Variants in CELF2 observed in about 807,000 individuals in gnomAD.
The protein encoded by CELF2 is CUG triplet repeat RNA-binding protein 2.
CELF2 carries 8 observed loss-of-function variants against 62.6 expected under a neutral mutation model. The ratio of observed to expected loss-of-function variants is 0.13; its 90% CI spans 0.07 to 0.23. The LOEUF is 0.23. CELF2 is among the 10% of genes least tolerant of loss of function. CELF2 has a pLI of 1.00. For missense variants in CELF2, 333 were observed against 671.0 expected (o/e 0.50, Z 5.56); for synonymous variants, 258 against 250.0 (o/e 1.03, Z -0.30).
chr10:10,928,234 C>T lies in CELF2; in HGVS notation c.89+8235C>T, dbSNP rs1007455311. Among the ~76,000 whole-genome samples the T allele has an allele frequency of 1.1e-4, 16 of 152,158 alleles. No homozygotes were observed. The highest frequency in any genetic ancestry group is 3.6e-4 in the African/African-American group (15 of 41,422). On this transcript the variant is annotated intron_variant, in intron 2 of 13. Transcript: ENST00000636488. The surrounding 1 kb of genome is among the most constrained non-coding windows in gnomAD (Gnocchi z 4.8). Reference sequence around the variant, plus strand: ...TCTCCCTTGCCTGTCCGGTTTATTCCTCCATTTGTAGGACCCTGAACAGAA... The same window carrying T: ...TCTCCCTTGCCTGTCCGGTTTATTCTTCCATTTGTAGGACCCTGAACAGAA...
the CELF2 span, among the ~76,000 whole-genome samples, chr10:10,550,573 T>A: frequency 1.8e-4 from 27 of 152,230 alleles, no homozygotes; most frequent in Non-Finnish European, 2.5e-4. Flanking sequence ...AAGCATAAGG[T>A]AATGAGGTGT....
At chr10:10,630,896 C>T in the CELF2 span, among the ~76,000 whole-genome samples, 4 of 152,150 alleles carry the variant, frequency 2.6e-5, no homozygotes, top group Admixed American at 6.5e-5. Context: ...ACTCTCATTC[C>T]CCATGCACAT....
chr10:11,189,542 C>T (rs1050159896), intron 2 of CELF2, among the ~76,000 whole-genome samples: 1 of 152,188 alleles, frequency 6.6e-6, no homozygotes, highest in Non-Finnish European at 1.5e-5. Flanking sequence ...ACTACTCTCT[C>T]TCTGCAGCTC....
intron 1 of CELF2, among the ~76,000 whole-genome samples, chr10:10,907,815 T>C (rs757865744): frequency 3.3e-5 from 5 of 152,168 alleles, no homozygotes; most frequent in Non-Finnish European, 7.3e-5. Context: ...CCCACCATGA[T>C]TGAATACATT....
rs182559136 is a variant in CELF2, at chr10:11,157,821, C to T, written c.75-7665C>T. On this transcript the variant is annotated intron_variant, in intron 1 of 12. Transcript: ENST00000633077. The surrounding 1 kb of genome is among the most constrained non-coding windows in gnomAD (Gnocchi z 4.9). ...GAGAGGGTTGTGAATCCGCACTGAC[C>T]GTGTTCTCTTGCATAAATAAGTCCA... Among the ~76,000 whole-genome samples, 8 of 152,280 alleles carry T rather than the reference C, an allele frequency of 5.3e-5. No homozygotes were observed. Among genetic ancestry groups the T allele is most frequent in the Admixed American group, 2.6e-4 (4 of 15,304 alleles).
intron 2 of CELF2, among the ~76,000 whole-genome samples, chr10:11,187,231 A>G (rs936029268): frequency 6.6e-6 from 1 of 152,150 alleles, no homozygotes; most frequent in Non-Finnish European, 1.5e-5. Flanking sequence ...ATGAATAGAT[A>G]TTTAGAATTT....
upstream of CELF2, among the ~76,000 whole-genome samples, chr10:11,014,026 A>G (rs1462015771): frequency 6.6e-6 from 1 of 152,266 alleles, no homozygotes; most frequent in Non-Finnish European, 1.5e-5. Context: ...ATTGCCTGGC[A>G]ATGATGGGAA....
At chr10:10,632,629 T>C in the CELF2 span, among the ~76,000 whole-genome samples, 1 of 152,210 alleles carries the variant, frequency 6.6e-6, no homozygotes. Flanking sequence ...AAACCAGCCC[T>C]CTTCATAACA....
chr10:11,190,394 C>T (rs1588669852), intron 2 of CELF2, among the ~76,000 whole-genome samples: 1 of 152,236 alleles, frequency 6.6e-6, no homozygotes, highest in East Asian at 1.9e-4. Flanking sequence ...TTCAGCACTA[C>T]TCCCTACTTA....
chr10:11,236,654 A>G (rs1426308370), intron 3 of CELF2, among the ~76,000 whole-genome samples: 1 of 152,272 alleles, frequency 6.6e-6, no homozygotes, highest in Non-Finnish European at 1.5e-5. Flanking sequence ...GCAATATATA[A>G]GGTTGAACCA....
At chr10:10,707,829 T>C in the CELF2 span, among the ~76,000 whole-genome samples, 3 of 152,190 alleles carry the variant, frequency 2.0e-5, no homozygotes, top group Non-Finnish European at 4.4e-5. Context: ...TTAAATCAAC[T>C]ATTACTAAGC....
chr10:11,151,490 C>A (rs1232206290), intron 1 of CELF2, among the ~76,000 whole-genome samples: 1 of 152,128 alleles, frequency 6.6e-6, no homozygotes, highest in East Asian at 1.9e-4. Context: ...TGTGTTCCTT[C>A]CAGTTGAGTG....
chr10:10,739,780 C>A, the CELF2 span, among the ~76,000 whole-genome samples: 1 of 152,104 alleles, frequency 6.6e-6, no homozygotes, highest in Non-Finnish European at 1.5e-5. Flanking sequence ...TCAATCACAG[C>A]CACCCTAACA....
chr10:10,610,626 A>T, the CELF2 span, among the ~76,000 whole-genome samples: 1 of 152,204 alleles, frequency 6.6e-6, no homozygotes, highest in Non-Finnish European at 1.5e-5. Context: ...GTTTAAAGAA[A>T]GCGGGTTTTC....
the CELF2 span, among the ~76,000 whole-genome samples, chr10:10,650,475 C>G: frequency 3.9e-5 from 6 of 152,220 alleles, no homozygotes; most frequent in East Asian, 1.2e-3. Flanking sequence ...AATTCTAATT[C>G]TACATTTTAG....
the CELF2 span, among the ~76,000 whole-genome samples, chr10:10,620,833 G>A: frequency 1.3e-5 from 2 of 149,182 alleles, no homozygotes. Flanking sequence ...CAGGAGAATG[G>A]CGTGAACCCG....
intron 1 of CELF2, among the ~76,000 whole-genome samples, chr10:10,913,591 A>G (rs927604761): frequency 2.7e-4 from 38 of 142,766 alleles, no homozygotes; most frequent in Non-Finnish European, 4.6e-4. Flanking sequence ...GGGTTTCACC[A>G]TGTTGCCCAG....
At chr10:10,599,734 T>TTG in the CELF2 span, among the ~76,000 whole-genome samples, 2 of 148,072 alleles carry the variant, frequency 1.4e-5, no homozygotes, top group South Asian at 4.4e-4. Context: ...TCTTTTTTTT[T>TTG]TTTTTTTGTT....
the CELF2 span, among the ~76,000 whole-genome samples, chr10:10,660,935 G>C: frequency 0.011 from 1,730 of 152,324 alleles, 39 homozygotes; most frequent in African/African-American, 0.039. Context: ...ACTGTCATCT[G>C]TGTCGGGGAC....
Sources: gnomAD v4.1 joint callset for allele counts (sites outside exome capture counted in the v4.1 genomes callset) on GRCh38, gnomAD v4.1.1 for gene constraint, Gnocchi (gnomAD v3.1) non-coding constraint, MANE v1.5 for transcripts, NCBI Gene and HGNC (gene_info 2026-07-23, HGNC 2026-07-21) for gene names.